The following TMEM91 variants were observed in gnomAD, a reference collection of about 807,000 sequenced individuals.
TMEM91 encodes dispanin subfamily C member 3.
Under a neutral mutation model 13.3 loss-of-function variants are expected in TMEM91, and 6 were observed. The observed-to-expected ratio is 0.45, with a 90% CI of 0.25 to 0.89. TMEM91 has a LOEUF of 0.89. Among genes scored for constraint, TMEM91 ranks in the 40% least tolerant of loss-of-function variants. The pLI, the probability that TMEM91 is intolerant of heterozygous loss-of-function variation, is 0.19. For synonymous variants in TMEM91, 87 were observed against 101.7 expected, an observed-to-expected ratio of 0.86 and a Z score of 0.87; for missense variants, 193 against 228.7, an observed-to-expected ratio of 0.84 and a Z score of 1.01.
At chr19:41,379,650 G>A (rs1366846345) in intron 2 of TMEM91, among the ~76,000 whole-genome samples, 1 of 151,358 alleles carries the variant, frequency 6.6e-6, no homozygotes, top group Non-Finnish European at 1.5e-5. Context: ...AAGAAGGAAT[G>A]AAGGAAACAA....
chr19:41,366,975 A>G (rs2038537782), intron 1 of TMEM91, among the ~76,000 whole-genome samples: 2 of 151,406 alleles, frequency 1.3e-5, no homozygotes, highest in African/African-American at 4.9e-5. Context: ...CCCTGTCTCT[A>G]CTAAAAAATA....
upstream of TMEM91, among the ~76,000 whole-genome samples, chr19:41,375,063 C>A (rs963682554): frequency 6.6e-6 from 1 of 151,996 alleles, no homozygotes; most frequent in Non-Finnish European, 1.5e-5. Flanking sequence ...CACTGTACCA[C>A]GTGACAATCA....
upstream of TMEM91, among the ~76,000 whole-genome samples, chr19:41,375,794 C>G (rs1265492745): frequency 6.6e-6 from 1 of 150,600 alleles, no homozygotes; most frequent in Non-Finnish European, 1.5e-5. Flanking sequence ...CCTGGGCGAT[C>G]AGAGCAAGAC....
Position 41,383,798 on chromosome 19 carries a change from C to T in TMEM91, c.444C>T (p.Val148=), listed in dbSNP as rs368069337. The change falls in exon 4 of 4, where the codon GTC becomes GTT. Residue 148 remains valine (V), a synonymous_variant. Coordinates refer to ENST00000392002, the MANE Select transcript of TMEM91 (RefSeq NM_001098821.2). ...CCTTCCTGCTGGGGGTCCTCGCCGT[C>T]GGGCTGGGCGTGTGCACGTATGCGG... The part of the protein sequence containing the change: ...RRAFLLGVLA[V]GLGVCTYAAA... 2.5e-6 allele frequency: 4 copies of T among 1,610,942 alleles called. No individual in the cohort carries two copies. The highest frequency in any genetic ancestry group is 2.2e-5 in the East Asian group (1 of 44,642).
rs775713584 is a variant in TMEM91 at position 41,382,795 on chromosome 19, C to G, written c.234C>G (p.Asp78Glu). Residue 78 changes from aspartate to glutamate, a missense_variant, in exon 3 of 4, where the codon GAC becomes GAG. Asp to Glu is a conservative substitution (Grantham distance 45). Coordinates refer to ENST00000392002, the MANE Select transcript of TMEM91 (RefSeq NM_001098821.2). Reference protein sequence around the residue: ...DVEDMSSSDSDSDWDGGSRLS... With the variant: ...DVEDMSSSDSESDWDGGSRLS... ...AGGACATGTCATCCAGTGACAGTGACTCGGACTGGGATGGAGGCAGCCGTC... is the reference window on the plus strand; with the variant it reads ...AGGACATGTCATCCAGTGACAGTGAGTCGGACTGGGATGGAGGCAGCCGTC... 1.1e-5 allele frequency: 18 copies of G among 1,613,948 alleles called. No individual in the cohort carries two copies. In the South Asian group the frequency reaches 2.0e-4, roughly 18 times the overall value.
At chr19:41,370,498 C>T (rs2038598366) in intron 1 of TMEM91, among the ~76,000 whole-genome samples, 1 of 151,980 alleles carries the variant, frequency 6.6e-6, no homozygotes, top group African/African-American at 2.4e-5. Flanking sequence ...CCTCCGCCTT[C>T]CGGGTTTAAC....
intron 2 of TMEM91, among the ~76,000 whole-genome samples, chr19:41,381,057 C>T (rs1457397296): frequency 7.9e-6 from 1 of 126,408 alleles, no homozygotes; most frequent in Non-Finnish European, 1.6e-5. Context: ...TGCCCTCCAG[C>T]CTGGGCAAGA....
intron 2 of TMEM91, among the ~76,000 whole-genome samples, chr19:41,380,612 T>C (rs1471634677): frequency 6.6e-6 from 1 of 150,912 alleles, no homozygotes; most frequent in Non-Finnish European, 1.5e-5. Context: ...CCGTCTCTAC[T>C]AAAAATACAA....
upstream of TMEM91, among the ~76,000 whole-genome samples, chr19:41,374,809 C>T (rs2038679549): frequency 6.6e-6 from 1 of 152,076 alleles, no homozygotes; most frequent in Non-Finnish European, 1.5e-5. Context: ...TATGGAGAAA[C>T]CCCATCTCTA....
chr19:41,377,501 G>C (rs2038749501), intron 1 of TMEM91, among the ~76,000 whole-genome samples: 8 of 151,250 alleles, frequency 5.3e-5, no homozygotes, highest in Admixed American at 5.3e-4. Context: ...GGGGAATGTA[G>C]ACTAGAGTGC....
intron 2 of TMEM91, among the ~76,000 whole-genome samples, chr19:41,380,580 GC>G (rs2038855149): frequency 6.6e-6 from 1 of 151,886 alleles, no homozygotes; most frequent in East Asian, 1.9e-4. Flanking sequence ...TTCAAGACCA[GC>G]CTGACCAATG....
Position 41,382,621 on chromosome 19 carries a change from C to T in TMEM91, c.211-151C>T, listed in dbSNP as rs2038915769. 3 of 1,110,374 alleles carry T rather than the reference C, an allele frequency of 2.7e-6. No homozygotes were observed. In the East Asian group the frequency reaches 7.5e-5, roughly 28 times the overall value. The allele number at this position is 1,110,374 out of a possible 1,614,324, so 68.8% of individuals were successfully genotyped here. A position where few individuals can be genotyped will look rare whatever the true frequency, so the allele number is the denominator to read the frequency against. On this transcript the variant is annotated intron_variant, in intron 2 of 3. Coordinates refer to ENST00000392002, the MANE Select transcript of TMEM91 (RefSeq NM_001098821.2). ...AGAGCAAAACTCCGTCTCAAACAAA[C>T]ACCGAAAGCCCATCTCTGAACACTT...
intron 1 of TMEM91, among the ~76,000 whole-genome samples, chr19:41,368,081 C>T (rs2038556714): frequency 6.6e-6 from 1 of 152,088 alleles, no homozygotes; most frequent in African/African-American, 2.4e-5. Context: ...TTTAAAGTTC[C>T]AACAGCTTTA....
At chr19:41,368,227 G>A (rs1288514202) in intron 1 of TMEM91, among the ~76,000 whole-genome samples, 1 of 151,796 alleles carries the variant, frequency 6.6e-6, no homozygotes, top group Non-Finnish European at 1.5e-5. Flanking sequence ...ACTAGGCAAC[G>A]TAGTGAGACC....
Position 41,369,730 on chromosome 19 carries a change from C to G in TMEM91, c.-30+5635C>G, listed in dbSNP as rs146047509. 4.3e-3 allele frequency among the ~76,000 whole-genome samples: 653 copies of G among 151,772 alleles called. 3 individuals carry two copies. The highest frequency in any genetic ancestry group is 0.014 in the African/African-American group (599 of 41,382). The stretch of plus-strand genomic sequence containing the variant: ...GGCTGAGGCACGAGAATCACTTGAA[C>G]CCAGGAGGTGGAGGTTGCAGTGAGC... On this transcript the variant is annotated intron_variant, in intron 1 of 3. Coordinates refer to the TMEM91 transcript ENST00000413014.
rs2038776251 is a variant in TMEM91, at chr19:41,378,316, A to G, written c.7A>G (p.Ser3Gly). 5 of 1,613,492 alleles carry G rather than the reference A, an allele frequency of 3.1e-6. No homozygotes were observed. Among genetic ancestry groups the G allele is most frequent in the South Asian group, 1.1e-5 (1 of 91,072 alleles). ...CTGGAGTTTCCCCAAAGCCATGGAC[A>G]GCCCTAGTCTTCGTGAGCTTCAACA... is the stretch of plus-strand genomic sequence containing the variant. Reference protein sequence around the residue: MDSPSLRELQQPL... With the variant: MDGPSLRELQQPL... Residue 3 changes from serine to glycine, a missense_variant, in exon 2 of 4, where the codon AGC (serine) becomes GGC (glycine). Physicochemically the swap from Ser to Gly is moderately conservative, Grantham distance 56. Coordinates refer to ENST00000392002, the MANE Select transcript of TMEM91 (RefSeq NM_001098821.2).
chr19:41,380,275 C>T (rs1209370789), intron 2 of TMEM91, among the ~76,000 whole-genome samples: 9 of 152,114 alleles, frequency 5.9e-5, no homozygotes. Context: ...GGCAGTCAGG[C>T]AGCTTATGTA....
chr19:41,383,134 A>G (rs776884310), intron 3 of TMEM91: 3 of 613,224 alleles, frequency 4.9e-6, no homozygotes, highest in Non-Finnish European at 8.2e-6. Context: ...GCTCACTGCA[A>G]TCTCTGCCTC....
At chr19:41,374,246 G>T (rs569315346), upstream of TMEM91, 2 of 152,138 alleles carry the variant, frequency 1.3e-5, no homozygotes, top group African/African-American at 4.8e-5. Context: ...AGGGAACTCC[G>T]GCCCCACAAA....
Sources: allele counts gnomAD v4.1 joint callset (sites outside exome capture counted in the v4.1 genomes callset), GRCh38; gene constraint gnomAD v4.1.1; transcripts MANE v1.5; gene names NCBI Gene and HGNC (gene_info 2026-07-23, HGNC 2026-07-21).